The following CEP112 variants were observed in gnomAD, a reference collection of about 807,000 sequenced individuals.
CEP112 encodes centrosomal protein of 112 kDa.
A neutral mutation model predicts 153.0 loss-of-function variants in CEP112; 127 were observed. That is an observed-to-expected ratio of 0.83 (90% CI 0.72 to 0.96). CEP112 has a LOEUF of 0.96. CEP112 is among the 40% of genes least tolerant of loss of function. CEP112 has a pLI of 0.00. For missense variants in CEP112, 1,089 were observed against 1,101.2 expected (o/e 0.99, Z 0.16); for synonymous variants, 358 against 374.4 (o/e 0.96, Z 0.51).
chr17:65,995,133 G>T (rs2063736975), intron 17 of CEP112, among the ~76,000 whole-genome samples: 2 of 134,654 alleles, frequency 1.5e-5, no homozygotes, highest in South Asian at 5.5e-4. Context: ...GGGATTAAAA[G>T]AAAATGGAAA....
chr17:65,654,092 G>C (rs1174911319), intron 24 of CEP112, among the ~76,000 whole-genome samples: 1 of 130,870 alleles, frequency 7.6e-6, no homozygotes, highest in Non-Finnish European at 1.7e-5. Flanking sequence ...GAATAGGAAT[G>C]AAAGAAATAG....
In CEP112 at chr17:65,865,992, T is replaced by C. The variant is rs148095399; in HGVS notation, c.2164-13958A>G. Among the ~76,000 whole-genome samples, 102 of 152,002 alleles carry C rather than the reference T, an allele frequency of 6.7e-4. 1 individual carries two copies. The East Asian group carries it at 0.019, about 28-fold the overall frequency. ...CTCACCCTCCTGGGTGCAGCTGTGG[T>C]CACTCAGGTCGGGGCTGTGGACCTG... On this transcript the variant is annotated intron_variant, in intron 20 of 26. Transcript: ENST00000535342.
chr17:66,146,324 T>C (rs1462072444), intron 4 of CEP112, among the ~76,000 whole-genome samples: 2 of 152,120 alleles, frequency 1.3e-5, no homozygotes, highest in Non-Finnish European at 2.9e-5. Flanking sequence ...TTCCCATTTC[T>C]TGAGTCAGTA....
intron 20 of CEP112, among the ~76,000 whole-genome samples, chr17:65,864,526 A>G (rs1444799040): frequency 2.0e-5 from 3 of 152,184 alleles, no homozygotes; most frequent in Non-Finnish European, 4.4e-5. Flanking sequence ...GCTGGTCACA[A>G]ACACAATTAG....
chr17:65,971,417 C>CACATATATTGG (rs376181420), intron 17 of CEP112, among the ~76,000 whole-genome samples: 2 of 151,956 alleles, frequency 1.3e-5, no homozygotes, highest in African/African-American at 2.4e-5. Flanking sequence ...ACCCATGCAG[C>CACATATATTGG]ATGCTGCATG....
At chr17:66,140,733 C>T (rs1308415413) in intron 4 of CEP112, among the ~76,000 whole-genome samples, 19 of 152,134 alleles carry the variant, frequency 1.2e-4, no homozygotes, top group Non-Finnish European at 5.9e-5. Flanking sequence ...ACCTCCACCT[C>T]CTGGGTTCAA....
At chr17:66,044,870 T>C (rs974855612) in intron 12 of CEP112, among the ~76,000 whole-genome samples, 5 of 151,818 alleles carry the variant, frequency 3.3e-5, no homozygotes, top group African/African-American at 7.3e-5. Flanking sequence ...GTCTATTCAA[T>C]AAAAAAAGAA....
intron 4 of CEP112, among the ~76,000 whole-genome samples, chr17:66,166,800 A>G (rs1159150282): frequency 2.0e-5 from 3 of 150,924 alleles, no homozygotes; most frequent in South Asian, 2.1e-4. Flanking sequence ...GCTACTCAGG[A>G]GGCTGAGGCA....
chr17:66,160,475 G>A (rs1208837657), intron 4 of CEP112, among the ~76,000 whole-genome samples: 1 of 152,112 alleles, frequency 6.6e-6, no homozygotes, highest in East Asian at 1.9e-4. Context: ...AAACAGCATG[G>A]TACTGGTACC....
intron 4 of CEP112, among the ~76,000 whole-genome samples, chr17:66,163,368 G>A (rs992094652): frequency 4.6e-5 from 7 of 152,064 alleles, no homozygotes; most frequent in African/African-American, 1.7e-4. Context: ...TGAGCAGCAG[G>A]TAATATTGTT....
chr17:66,081,801 G>C (rs2067731035), intron 8 of CEP112, among the ~76,000 whole-genome samples: 1 of 152,094 alleles, frequency 6.6e-6, no homozygotes, highest in African/African-American at 2.4e-5. Flanking sequence ...TGTAGTCCCA[G>C]CTACTCGGGA....
At chr17:65,671,773 A>C (rs1254423898) in intron 24 of CEP112, among the ~76,000 whole-genome samples, 1 of 152,226 alleles carries the variant, frequency 6.6e-6, no homozygotes, top group Non-Finnish European at 1.5e-5. Context: ...AAATATGTCC[A>C]CAAGTAATTA....
chr17:66,003,247 A>G (rs1365498317), intron 17 of CEP112, among the ~76,000 whole-genome samples: 1 of 152,238 alleles, frequency 6.6e-6, no homozygotes, highest in Non-Finnish European at 1.5e-5. Context: ...TTTTAACTCC[A>G]AGCAAAATTC....
chr17:65,664,816 A>G (rs2046606707), intron 24 of CEP112, among the ~76,000 whole-genome samples: 1 of 152,198 alleles, frequency 6.6e-6, no homozygotes, highest in African/African-American at 2.4e-5. Flanking sequence ...CTGCTATAAC[A>G]AAACACTGTG....
chr17:65,810,844 T>G (rs2055907091), intron 21 of CEP112, among the ~76,000 whole-genome samples: 1 of 152,106 alleles, frequency 6.6e-6, no homozygotes, highest in African/African-American at 2.4e-5. Flanking sequence ...GAGGTACACA[T>G]TTCCATAAGG....
At chr17:66,137,454 A>C (rs1173341966) in intron 4 of CEP112, among the ~76,000 whole-genome samples, 4 of 152,088 alleles carry the variant, frequency 2.6e-5, no homozygotes, top group African/African-American at 9.7e-5. Flanking sequence ...ATGGACATCC[A>C]GATTTATGAA....
At chr17:65,969,000 C>T (rs1358487934) in intron 17 of CEP112, among the ~76,000 whole-genome samples, 2 of 151,968 alleles carry the variant, frequency 1.3e-5, no homozygotes, top group South Asian at 4.1e-4. Flanking sequence ...ACATCTATCA[C>T]ATGCCAAGAT....
chr17:65,780,620 G>C (rs1311260120), intron 21 of CEP112, among the ~76,000 whole-genome samples: 2 of 151,946 alleles, frequency 1.3e-5, no homozygotes, highest in Non-Finnish European at 2.9e-5. Context: ...TGTGTGATTT[G>C]ACAAATGTCA....
intron 23 of CEP112, among the ~76,000 whole-genome samples, chr17:65,726,650 G>A (rs2050199047): frequency 6.6e-6 from 1 of 152,112 alleles, no homozygotes; most frequent in South Asian, 2.1e-4. Context: ...TGATCATGAT[G>A]TTATAAGCAA....
Sources: allele counts gnomAD v4.1 joint callset (sites outside exome capture counted in the v4.1 genomes callset), GRCh38; gene constraint gnomAD v4.1.1; transcripts MANE v1.5; gene names NCBI Gene and HGNC (gene_info 2026-07-23, HGNC 2026-07-21).